STOM: variants seen among roughly 807,000 people sequenced by gnomAD.
STOM encodes erythrocyte band 7 integral membrane protein.
In STOM, 25 loss-of-function variants were observed where a neutral mutation model predicts 30.6. The observed-to-expected ratio is 0.82, with a 90% CI of 0.60 to 1.14. STOM has a LOEUF of 1.14. Ranked by LOEUF, STOM falls within the 50% of genes most tolerant of loss-of-function variation. The probability of loss-of-function intolerance (pLI) is 0.00; values close to 1 mark genes in which losing one functional copy is unlikely to be tolerated. For synonymous variants in STOM, 118 were observed against 130.8 expected (o/e 0.90, Z 0.67); for missense variants, 292 against 365.2 (o/e 0.80, Z 1.63).
chr9:121,341,109 T>C lies in STOM; in HGVS notation c.*93A>G. ...CATTCTGGGAACACCACAATTGACA[T>C]ATGGAAAAAGAAAAGCCCTACCCTC... On this transcript the variant is annotated 3_prime_UTR_variant, in exon 7 of 7. Transcript: ENST00000286713. 1 of 1,582,682 alleles carries C rather than the reference T, an allele frequency of 6.3e-7. No homozygotes were observed. Among genetic ancestry groups the C allele is most frequent in the Non-Finnish European group, 8.6e-7 (1 of 1,163,376 alleles).
At chr9:121,348,442 GGAT>G (rs1222271752) in intron 5 of STOM, among the ~76,000 whole-genome samples, 1 of 152,162 alleles carries the variant, frequency 6.6e-6, no homozygotes. Flanking sequence ...AAGCAGCCAT[GGAT>G]AATATATAAA....
intron 1 of STOM, among the ~76,000 whole-genome samples, chr9:121,365,292 A>G (rs555312869): frequency 3.3e-5 from 5 of 152,100 alleles, no homozygotes; most frequent in Admixed American, 6.5e-5. Flanking sequence ...TTTTCCAACC[A>G]TGACGTTAGA....
chr9:121,346,947 T>C (rs1323088839), intron 6 of STOM, among the ~76,000 whole-genome samples: 1 of 152,230 alleles, frequency 6.6e-6, no homozygotes, highest in Non-Finnish European at 1.5e-5. Context: ...CCTTGTGTCT[T>C]GGGAGATTTG....
intron 6 of STOM, among the ~76,000 whole-genome samples, chr9:121,345,885 C>T (rs1034538053): frequency 6.6e-6 from 1 of 152,178 alleles, no homozygotes; most frequent in African/African-American, 2.4e-5. Context: ...AACTGTGCGA[C>T]CTTGCGGACG....
rs774962680 is a variant in STOM at position 121,356,087 on chromosome 9, A to G, written c.131T>C (p.Ile44Thr). 2 of 1,614,166 alleles carry G rather than the reference A, an allele frequency of 1.2e-6. No individual in the cohort carries two copies. Among genetic ancestry groups the G allele is most frequent in the South Asian group, 1.1e-5 (1 of 91,082 alleles). The stretch of plus-strand genomic sequence containing the variant: ...CATCCATATTGAGATTGGGAAAGTT[A>G]TAACGGTGAATAAGAATGAGAACGC... ...LVAFSFLFTV[I>T]TFPISIWMCI... Residue 44 changes from isoleucine to threonine, a missense_variant, in exon 2 of 7, where the codon ATA becomes ACA. By Grantham distance (89) the Ile-to-Thr change is moderately conservative (BLOSUM62 -1). Coordinates refer to ENST00000286713, the MANE Select transcript of STOM (RefSeq NM_004099.6).
chr9:121,350,069 G>A (rs1168519658), intron 4 of STOM, among the ~76,000 whole-genome samples: 1 of 152,218 alleles, frequency 6.6e-6, no homozygotes, highest in Non-Finnish European at 1.5e-5. Flanking sequence ...TGGCACGTAA[G>A]AGCTGTCTTA....
At chr9:121,351,927 A>G (rs117463466) in intron 4 of STOM, among the ~76,000 whole-genome samples, 2,006 of 152,358 alleles carry the variant, frequency 0.013, 18 homozygotes, top group Non-Finnish European at 0.022. Flanking sequence ...CAATTTATCT[A>G]GAATAAAACC....
chr9:121,367,125 A>G (rs750219831), intron 1 of STOM, among the ~76,000 whole-genome samples: 1 of 152,150 alleles, frequency 6.6e-6, no homozygotes, highest in African/African-American at 2.4e-5. Flanking sequence ...GATGAGTCAA[A>G]CTGATAAATA....
rs2064317329 is a variant in STOM at position 121,349,251 on chromosome 9, C to T, written c.394G>A (p.Ala132Thr). The T allele has an allele frequency of 6.2e-7, 1 of 1,614,036 alleles. No homozygotes were observed. The highest frequency in any genetic ancestry group is 8.5e-7 in the Non-Finnish European group (1 of 1,180,038). Residue 132 changes from alanine (A) to threonine (T), a missense_variant, in exon 5 of 7, where the codon GCT becomes ACT. Transcript: ENST00000286713. ...TCAGCGTTGGTGATATTTGCCACAGCCAGGGTTGCATTCTGAACGCGGTAA... is the reference window on the plus strand; with the variant it reads ...TCAGCGTTGGTGATATTTGCCACAGTCAGGGTTGCATTCTGAACGCGGTAA... ...VYYRVQNATL[A>T]VANITNADSA...
Position 121,355,324 on chromosome 9 carries a change from G to T in STOM, c.166-651C>A, listed in dbSNP as rs1479965393. ...AATCGCTTGAACCTGGGAGGCGGAG[G>T]TTGCAGTGAGCCGAGATCGCGCCAC... On this transcript the variant is annotated intron_variant, in intron 2 of 6. Transcript: ENST00000286713. Among the ~76,000 whole-genome samples, 3 of 148,500 alleles carry T rather than the reference G, an allele frequency of 2.0e-5. No individual in the cohort carries two copies. In the East Asian group the frequency reaches 5.9e-4, roughly 29 times the overall value.
intron 5 of STOM, 151 bp from the exon 6 acceptor site, chr9:121,348,300 G>T: frequency 9.3e-7 from 1 of 1,079,090 alleles, no homozygotes; most frequent in Non-Finnish European, 1.3e-6. Flanking sequence ...TGACGCAGGG[G>T]CTGGCTCACT....
At chr9:121,359,300 T>C (rs1210901069) in intron 1 of STOM, among the ~76,000 whole-genome samples, 4 of 152,166 alleles carry the variant, frequency 2.6e-5, no homozygotes, top group Non-Finnish European at 4.4e-5. Flanking sequence ...CTCTAAAACA[T>C]AGGATGAAAA....
intron 4 of STOM, among the ~76,000 whole-genome samples, chr9:121,350,016 A>G (rs2064324999): frequency 6.6e-6 from 1 of 152,270 alleles, no homozygotes; most frequent in African/African-American, 2.4e-5. Context: ...CATTCTTGCT[A>G]GAATTAATGC....
At chr9:121,361,511 C>T (rs577336054) in intron 1 of STOM, among the ~76,000 whole-genome samples, 98 of 151,810 alleles carry the variant, frequency 6.5e-4, no homozygotes, top group South Asian at 2.3e-3. Context: ...GCCTCAGCCT[C>T]CCCAGTAGCT....
chr9:121,344,978 G>A (rs781438201), intron 6 of STOM, among the ~76,000 whole-genome samples: 14 of 152,088 alleles, frequency 9.2e-5, no homozygotes, highest in South Asian at 2.1e-4. Context: ...TTCTGTGACC[G>A]GCTTCTTTCA....
chr9:121,353,566 C>A (rs974323847), intron 3 of STOM, among the ~76,000 whole-genome samples: 1 of 152,174 alleles, frequency 6.6e-6, no homozygotes, highest in Non-Finnish European at 1.5e-5. Context: ...CCAATGCAAT[C>A]GTTTCCCAGG....
rs529258816 is a variant in STOM, at chr9:121,356,693, A to G, written c.62-537T>C. Among the ~76,000 whole-genome samples the G allele has an allele frequency of 7.9e-5, 12 of 152,246 alleles. No individual in the cohort carries two copies. In the East Asian group the frequency reaches 1.9e-3, roughly 24 times the overall value. ...ATAGTAAGAAAATATCGACGAAAAGAAAGTGGAGGCTGGGCGTCGTGGCTC... is the reference window on the plus strand; with the variant it reads ...ATAGTAAGAAAATATCGACGAAAAGGAAGTGGAGGCTGGGCGTCGTGGCTC... On this transcript the variant is annotated intron_variant, in intron 1 of 6. Coordinates refer to ENST00000286713, the MANE Select transcript of STOM (RefSeq NM_004099.6).
At chr9:121,356,609 A>G (rs1223848621) in intron 1 of STOM, among the ~76,000 whole-genome samples, 1 of 152,226 alleles carries the variant, frequency 6.6e-6, no homozygotes, top group Non-Finnish European at 1.5e-5. Flanking sequence ...TGGAGGTGAG[A>G]AAGGAATGGG....
Position 121,370,021 on chromosome 9 carries a change from C to A in STOM, c.61+106G>T, listed in dbSNP as rs570076188. ...GCCGCGGCTTTGAGATCTCGCCCAG[C>A]CCGAAGCAGCGGAGACTGGCCAGGA... is the stretch of plus-strand genomic sequence containing the variant. On this transcript the variant is annotated intron_variant, in intron 1 of 6. Transcript: ENST00000286713. 15 of 1,097,470 alleles carry A rather than the reference C, an allele frequency of 1.4e-5. No homozygotes were observed. The Admixed American group carries it at 3.2e-4, about 24-fold the overall frequency. The allele number at this position is 1,097,470 out of a possible 1,614,324, so 68.0% of individuals were successfully genotyped here. A position where few individuals can be genotyped will look rare whatever the true frequency, so the allele number is the denominator to read the frequency against.
Sources: gnomAD v4.1 joint callset for allele counts (sites outside exome capture counted in the v4.1 genomes callset) on GRCh38, gnomAD v4.1.1 for gene constraint, MANE v1.5 for transcripts, NCBI Gene and HGNC (gene_info 2026-07-23, HGNC 2026-07-21) for gene names.